The following MYO1H variants were observed in gnomAD, a reference collection of about 807,000 sequenced individuals.
MYO1H encodes unconventional myosin-Ih.
Under a neutral mutation model 149.3 loss-of-function variants are expected in MYO1H, and 118 were observed. The observed-to-expected ratio is 0.79, with a 90% confidence interval of 0.68 to 0.92. The LOEUF is 0.92. Among genes scored for constraint, MYO1H ranks in the 40% least tolerant of loss-of-function variants. MYO1H has a pLI of 0.00. For synonymous variants in MYO1H, 447 were observed against 465.2 expected (o/e 0.96, Z 0.50); for missense variants, 1,212 against 1,280.7 (o/e 0.95, Z 0.82).
At chr12:109,332,213 A>C in the MYO1H span, among the ~76,000 whole-genome samples, 1 of 152,192 alleles carries the variant, frequency 6.6e-6, no homozygotes, top group Non-Finnish European at 1.5e-5. Context: ...TTGGAAAACA[A>C]TGTAGTATTT....
At position 109,406,670 on chromosome 12, in the gene MYO1H, A is replaced by G. The variant is rs1196532551; in HGVS notation, c.964-119A>G. On this transcript the variant is annotated intron_variant, in intron 8 of 31. Transcript: ENST00000310903. ...GTCTGAAAAAAAGTTACAATGAGCT[A>G]TGATTGTGCCACCACATTCCCACCT... 4 of 889,568 alleles carry G rather than the reference A, an allele frequency of 4.5e-6. No individual in the cohort carries two copies. In the African/African-American group the frequency reaches 6.7e-5, roughly 15 times the overall value. 55.1% of individuals were successfully genotyped at this position (889,568 alleles called of 1,614,324 possible).
intron 1 of MYO1H, among the ~76,000 whole-genome samples, chr12:109,379,734 T>C (rs1368429762): frequency 1.4e-5 from 2 of 141,222 alleles, no homozygotes; most frequent in African/African-American, 5.3e-5. Flanking sequence ...TTAACCTTTT[T>C]TTTTTTTTTT....
chr12:109,400,308 T>A (rs752603665), intron 5 of MYO1H, among the ~76,000 whole-genome samples: 1 of 152,286 alleles, frequency 6.6e-6, no homozygotes, highest in Non-Finnish European at 1.5e-5. Context: ...AGCAAAGCAG[T>A]GTTAGGATAA....
chr12:109,391,509 C>T (rs1040525776), intron 2 of MYO1H, among the ~76,000 whole-genome samples: 2 of 152,080 alleles, frequency 1.3e-5, no homozygotes, highest in African/African-American at 4.8e-5. Flanking sequence ...GATTCCATGT[C>T]TTTGATGTTG....
chr12:109,374,652 C>CTTCAGCTT (rs1659595001), intron 1 of MYO1H, among the ~76,000 whole-genome samples: 2 of 152,124 alleles, frequency 1.3e-5, no homozygotes, highest in Admixed American at 1.3e-4. Flanking sequence ...GGATATGTGT[C>CTTCAGCTT]TTCAGCTTTT....
rs1872279386 is a variant in MYO1H at position 109,443,171 on chromosome 12, C to CAT, written c.2689-343_2689-342insAT. Among the ~76,000 whole-genome samples, 3 of 68,950 alleles carry CAT rather than the reference C, an allele frequency of 4.4e-5. 1 individual carries two copies. The highest frequency in any genetic ancestry group is 1.4e-4 in the Admixed American group (1 of 7,354). 45.2% of individuals were successfully genotyped at this position (68,950 alleles called of 152,430 possible). A position where few individuals can be genotyped will look rare whatever the true frequency, so the allele number is the denominator to read the frequency against. On this transcript the variant is annotated intron_variant, in intron 27 of 31. Transcript: ENST00000310903. ...GTACGTATGTGTGTGTATATGTGTACGTATGTGTGTATATGTGTACGTATA... is the reference window on the plus strand; with the variant it reads ...GTACGTATGTGTGTGTATATGTGTACATGTATGTGTGTATATGTGTACGTATA...
At chr12:109,334,502 G>C in the MYO1H span, among the ~76,000 whole-genome samples, 2 of 152,284 alleles carry the variant, frequency 1.3e-5, no homozygotes, top group Non-Finnish European at 2.9e-5. Flanking sequence ...TATCCACATT[G>C]TTGTAGATGA....
At chr12:109,374,524 T>A (rs1252700664) in intron 1 of MYO1H, among the ~76,000 whole-genome samples, 1 of 152,216 alleles carries the variant, frequency 6.6e-6, no homozygotes, top group Non-Finnish European at 1.5e-5. Flanking sequence ...TATTCTTTTA[T>A]TGGTGGAAGT....
At chr12:109,324,658 CTG>C in the MYO1H span, among the ~76,000 whole-genome samples, 1 of 151,848 alleles carries the variant, frequency 6.6e-6, no homozygotes, top group Admixed American at 6.6e-5. Context: ...GTTACCTTAT[CTG>C]AGAAAGAAAG....
intron 2 of MYO1H, among the ~76,000 whole-genome samples, chr12:109,392,549 T>C (rs549644548): frequency 6.6e-6 from 1 of 152,046 alleles, no homozygotes; most frequent in Non-Finnish European, 1.5e-5. Context: ...ATGGTGAAAC[T>C]GCATCTCTAC....
chr12:109,393,832 T>C (rs1202394402), intron 3 of MYO1H, among the ~76,000 whole-genome samples: 1 of 152,200 alleles, frequency 6.6e-6, no homozygotes, highest in Non-Finnish European at 1.5e-5. Flanking sequence ...AATCTCAGCT[T>C]AAATATGAAA....
exon 11 of MYO1H, chr12:109,409,596 T>A: frequency 6.2e-7 from 1 of 1,613,800 alleles, no homozygotes; most frequent in East Asian, 2.2e-5. Flanking sequence ...ACTGGACATC[T>A]ATGGGTTTGA....
At chr12:109,363,627 G>A (rs1440654196) in intron 1 of MYO1H, among the ~76,000 whole-genome samples, 1 of 151,566 alleles carries the variant, frequency 6.6e-6, no homozygotes, top group African/African-American at 2.4e-5. Flanking sequence ...CAGGAGAATC[G>A]CTTGAACCCA....
chr12:109,425,738 T>C (rs1871329153), intron 17 of MYO1H, among the ~76,000 whole-genome samples: 1 of 152,172 alleles, frequency 6.6e-6, no homozygotes, highest in East Asian at 1.9e-4. Flanking sequence ...TTGTCCAGCT[T>C]CCACGTGACC....
intron 1 of MYO1H, among the ~76,000 whole-genome samples, chr12:109,369,586 T>C (rs571148274): frequency 2.0e-5 from 3 of 152,318 alleles, no homozygotes; most frequent in South Asian, 4.1e-4. Flanking sequence ...TAGACATGCA[T>C]GTACATGTGT....
At chr12:109,415,662 C>CAATA (rs1242316712) in intron 15 of MYO1H, 42 bp downstream of exon 15, 3 of 1,421,070 alleles carry the variant, frequency 2.1e-6, no homozygotes, top group Non-Finnish European at 2.9e-6. Flanking sequence ...TGTATGTGCC[C>CAATA]AGCCTGGTGT....
At chr12:109,447,292 G>A (rs1055775185) in exon 32 of MYO1H, 61 of 953,830 alleles carry the variant, frequency 6.4e-5, no homozygotes, top group South Asian at 9.7e-5. Context: ...TACCAGGCCC[G>A]CAGCACTAAC....
chr12:109,435,112 A>C, exon 21 of MYO1H: 2 of 1,587,008 alleles, frequency 1.3e-6, no homozygotes, highest in South Asian at 1.1e-5. Context: ...AACATCAACT[A>C]GGTATGATTT....
intron 9 of MYO1H, 40 bp downstream of exon 9, chr12:109,406,900 G>C: frequency 6.5e-7 from 1 of 1,534,452 alleles, no homozygotes; most frequent in African/African-American, 1.4e-5. Context: ...AGCCCTCCCT[G>C]CTGCTGCTGC....
Sources: gnomAD v4.1 joint callset for allele counts (sites outside exome capture counted in the v4.1 genomes callset) on GRCh38, gnomAD v4.1.1 for gene constraint, MANE v1.5 for transcripts, NCBI Gene and HGNC (gene_info 2026-07-23, HGNC 2026-07-21) for gene names.